INVS: variants seen among roughly 807,000 people sequenced by gnomAD.
INVS encodes inversion of embryo turning homolog.
A neutral mutation model predicts 108.8 loss-of-function variants in INVS; 86 were observed. The ratio of observed to expected loss-of-function variants is 0.79; its 90% CI spans 0.66 to 0.95. The LOEUF (loss-of-function observed/expected upper bound fraction) is 0.95, where lower values mean the gene tolerates loss of function less well. Among genes scored for constraint, INVS ranks in the 40% least tolerant of loss-of-function variants. The probability of loss-of-function intolerance (pLI) is 0.00; values close to 1 mark genes in which losing one functional copy is unlikely to be tolerated. For missense variants in INVS, 1,169 were observed against 1,297.4 expected (o/e 0.90, Z 1.52); for synonymous variants, 455 against 473.5 (o/e 0.96, Z 0.51).
intron 5 of INVS, among the ~76,000 whole-genome samples, chr9:100,236,598 T>C (rs746110723): frequency 6.6e-6 from 1 of 152,198 alleles, no homozygotes; most frequent in Admixed American, 6.5e-5. Flanking sequence ...TTAGTTTTCC[T>C]TCTAATAGTC....
At position 100,246,578 on chromosome 9, in the gene INVS, T is replaced by C. The variant is rs41274949; in HGVS notation, c.907-38T>C. 3,527 of 1,469,366 alleles carry C rather than the reference T, an allele frequency of 2.4e-3. 10 individuals carry two copies. The highest frequency in any genetic ancestry group is 3.9e-3 in the Middle Eastern group (22 of 5,712). The allele number at this position is 1,469,366 out of a possible 1,614,324, so 91.0% of individuals were successfully genotyped here. On this transcript the variant is annotated intron_variant, in intron 7 of 16. Coordinates refer to ENST00000262457, the MANE Select transcript of INVS (RefSeq NM_014425.5). ...ACTTTATTACCACAGAAAATACTAC[T>C]GTTTTGTCTCCATTTTTTAAATCAA...
At chr9:100,153,597 A>G (rs1312377013) in intron 3 of INVS, among the ~76,000 whole-genome samples, 1 of 152,228 alleles carries the variant, frequency 6.6e-6, no homozygotes, top group Non-Finnish European at 1.5e-5. Flanking sequence ...AGGAAATGGA[A>G]ATGGTTTCCT....
At chr9:100,233,611 G>T (rs1171619882) in intron 5 of INVS, among the ~76,000 whole-genome samples, 2 of 152,128 alleles carry the variant, frequency 1.3e-5, no homozygotes, top group Non-Finnish European at 2.9e-5. Context: ...GGCCTTTTCT[G>T]CATCTATTGA....
intron 2 of INVS, among the ~76,000 whole-genome samples, chr9:100,108,274 A>G (rs1757961793): frequency 2.0e-5 from 3 of 152,222 alleles, no homozygotes; most frequent in South Asian, 4.1e-4. Flanking sequence ...TCATGATGTG[A>G]AGCCAGTAGG....
chr9:100,254,732 T>G (rs1431857448), intron 10 of INVS, among the ~76,000 whole-genome samples: 1 of 152,154 alleles, frequency 6.6e-6, no homozygotes, highest in African/African-American at 2.4e-5. Context: ...ATTGTAGATG[T>G]GTGGTATTAT....
At chr9:100,198,315 T>G (rs13299634) in intron 3 of INVS, among the ~76,000 whole-genome samples, 8 of 103,026 alleles carry the variant, frequency 7.8e-5, no homozygotes, top group Admixed American at 2.3e-4. Context: ...TTTTTTTTTT[T>G]GGAGACAGTT....
chr9:100,233,643 A>G (rs1011297296), intron 5 of INVS, among the ~76,000 whole-genome samples: 3 of 152,032 alleles, frequency 2.0e-5, no homozygotes, highest in African/African-American at 7.2e-5. Flanking sequence ...GGTTTTTGTC[A>G]TTGGTTCTGT....
chr9:100,118,538 T>A (rs1827624083), intron 2 of INVS, among the ~76,000 whole-genome samples: 1 of 151,986 alleles, frequency 6.6e-6, no homozygotes, highest in Admixed American at 6.6e-5. Flanking sequence ...AGCCTCCCAG[T>A]CTATGGTACT....
At chr9:100,197,833 C>A (rs993992986) in intron 3 of INVS, among the ~76,000 whole-genome samples, 1 of 152,112 alleles carries the variant, frequency 6.6e-6, no homozygotes, top group South Asian at 2.1e-4. Flanking sequence ...CAGAGAATTT[C>A]TTTATGGCCA....
rs769739938 is a variant in INVS at position 100,240,103 on chromosome 9, A to AG, written c.662dup (p.Arg222SerfsTer10). 2 of 1,614,206 alleles carry AG rather than the reference A, an allele frequency of 1.2e-6. No individual in the cohort carries two copies. Among genetic ancestry groups the AG allele is most frequent in the Non-Finnish European group, 1.7e-6 (2 of 1,180,012 alleles). ...TCTTTACTGAACTGGCAAGACTACG[A>AG]GGGTCGAACTCCTCTTCACTTTGCA... On this transcript the variant is annotated frameshift_variant, in exon 6 of 17. Transcript: ENST00000262457. LOFTEE classifies it high-confidence loss of function.
rs780154059 is a variant in INVS, at chr9:100,273,698, C to T, written c.1784+622C>T. On this transcript the variant is annotated intron_variant, in intron 12 of 16. Coordinates refer to ENST00000262457, the MANE Select transcript of INVS (RefSeq NM_014425.5). ...GACTACAGGCGCGCGCCACCACACC[C>T]GGGTAATTTTTGTATTTTTAGTAGA... Among the ~76,000 whole-genome samples the T allele has an allele frequency of 1.0e-3, 152 of 151,566 alleles. 1 individual carries two copies. Among genetic ancestry groups the T allele is most frequent in the African/African-American group, 2.7e-4 (11 of 41,344 alleles).
chr9:100,243,738 A>T (rs934882883), intron 7 of INVS, among the ~76,000 whole-genome samples: 3 of 152,178 alleles, frequency 2.0e-5, no homozygotes, highest in Non-Finnish European at 2.9e-5. Context: ...GGCCGGACAC[A>T]GTAGCTCACA....
At chr9:100,209,229 A>G (rs1054061398) in intron 3 of INVS, among the ~76,000 whole-genome samples, 1 of 152,234 alleles carries the variant, frequency 6.6e-6, no homozygotes, top group African/African-American at 2.4e-5. Flanking sequence ...TTAGAAATTA[A>G]GTCATTGTTG....
At chr9:100,190,829 T>A (rs1489080744) in intron 3 of INVS, among the ~76,000 whole-genome samples, 1 of 152,022 alleles carries the variant, frequency 6.6e-6, no homozygotes, top group Non-Finnish European at 1.5e-5. Context: ...GATACCCTGA[T>A]AATTATATGC....
At chr9:100,158,759 T>C (rs1829080225) in intron 3 of INVS, among the ~76,000 whole-genome samples, 1 of 152,204 alleles carries the variant, frequency 6.6e-6, no homozygotes, top group African/African-American at 2.4e-5. Context: ...AAATCCCGCG[T>C]TGAAATTTGA....
intron 13 of INVS, among the ~76,000 whole-genome samples, 159 bp downstream of exon 13, chr9:100,284,762 CTTTT>C (rs981199207): frequency 1.3e-5 from 2 of 152,132 alleles, no homozygotes; most frequent in Non-Finnish European, 2.9e-5. Flanking sequence ...GTTCTCAGTT[CTTTT>C]TCTTTTTTTT....
chr9:100,122,576 CTTTTT>C (rs1161036698), intron 2 of INVS, among the ~76,000 whole-genome samples: 3 of 57,532 alleles, frequency 5.2e-5, no homozygotes, highest in Non-Finnish European at 9.4e-5. Flanking sequence ...AAGTGAGTTT[CTTTTT>C]TTTTTTTTTT....
At chr9:100,213,191 C>A (rs1830885673) in intron 3 of INVS, among the ~76,000 whole-genome samples, 1 of 130,500 alleles carries the variant, frequency 7.7e-6, no homozygotes. Context: ...AGAATTTCAA[C>A]ACATGAATTG....
chr9:100,296,274 A>C (rs1461178663), intron 14 of INVS, among the ~76,000 whole-genome samples: 1 of 152,140 alleles, frequency 6.6e-6, no homozygotes, highest in Non-Finnish European at 1.5e-5. Flanking sequence ...TGCATGTGGG[A>C]CTGAAAACAT....
Sources: allele counts gnomAD v4.1 joint callset (sites outside exome capture counted in the v4.1 genomes callset), GRCh38; gene constraint gnomAD v4.1.1; transcripts MANE v1.5; gene names NCBI Gene and HGNC (gene_info 2026-07-23, HGNC 2026-07-21).